Variants in RYR2 observed in about 807,000 individuals in gnomAD.
RYR2 encodes the protein cardiac muscle ryanodine receptor-calcium release channel.
In RYR2, 227 loss-of-function variants were observed where a neutral mutation model predicts 601.1. The observed-to-expected ratio is 0.38, with a 90% CI of 0.34 to 0.42. The LOEUF (loss-of-function observed/expected upper bound fraction) is 0.42. Ranked by LOEUF, RYR2 falls within the 10% of genes least tolerant of loss-of-function variation. RYR2 has a pLI of 1.00. For synonymous variants in RYR2, 2,223 were observed against 2,175.1 expected, an observed-to-expected ratio of 1.02 and a Z score of -0.61; for missense variants, 4,646 against 6,156.5, an observed-to-expected ratio of 0.75 and a Z score of 8.21.
chr1:237,109,170 A>G (rs1323264874), intron 1 of RYR2, among the ~76,000 whole-genome samples: 1 of 151,662 alleles, frequency 6.6e-6, no homozygotes, highest in East Asian at 1.9e-4. Context: ...TATAAAATAC[A>G]TATATACATA....
chr1:237,508,386 C>A (rs1265630915), intron 23 of RYR2, among the ~76,000 whole-genome samples: 1 of 151,108 alleles, frequency 6.6e-6, no homozygotes, highest in Admixed American at 6.6e-5. Flanking sequence ...GAATTACAGG[C>A]AACATTCTCC....
At chr1:237,551,905 G>A (rs146214806) in intron 27 of RYR2, among the ~76,000 whole-genome samples, 2 of 152,234 alleles carry the variant, frequency 1.3e-5, no homozygotes, top group African/African-American at 2.4e-5. Flanking sequence ...GAGATTCAGG[G>A]ACTTCTGTGT....
At chr1:237,814,567 T>TC (rs397841068) in intron 100 of RYR2, among the ~76,000 whole-genome samples, 1 of 151,602 alleles carries the variant, frequency 6.6e-6, no homozygotes, top group African/African-American at 2.4e-5. Flanking sequence ...TTTTTTTTTT[T>TC]CCAGATTAGG....
chr1:237,433,522 T>A (rs1253605038), intron 12 of RYR2, among the ~76,000 whole-genome samples: 1 of 152,178 alleles, frequency 6.6e-6, no homozygotes, highest in Non-Finnish European at 1.5e-5. Flanking sequence ...TTTAAGATAT[T>A]GTTTCACATT....
In RYR2 at chr1:237,622,626, C is replaced by G. The variant is rs561682451; in HGVS notation, c.5917-1139C>G. 2.0e-5 allele frequency among the ~76,000 whole-genome samples: 3 copies of G among 152,186 alleles called. No homozygotes were observed. The East Asian group carries it at 5.8e-4, about 29-fold the overall frequency. The stretch of plus-strand genomic sequence containing the variant: ...CAACCAACTGTATATTGAAAATATT[C>G]AGAAAAATTCCACAAAGTTCCAAAG... On this transcript the variant is annotated intron_variant, in intron 38 of 104. Transcript: ENST00000366574.
At chr1:237,541,738 G>C (rs1309690149) in intron 25 of RYR2, among the ~76,000 whole-genome samples, 1 of 152,124 alleles carries the variant, frequency 6.6e-6, no homozygotes, top group Non-Finnish European at 1.5e-5. Context: ...GAAAATTACA[G>C]TCAAAGGGGA....
chr1:237,647,121 T>C (rs1682249300), intron 48 of RYR2, among the ~76,000 whole-genome samples: 1 of 152,222 alleles, frequency 6.6e-6, no homozygotes, highest in South Asian at 2.1e-4. Context: ...TGAAATTGAA[T>C]TTTATATAGA....
At chr1:237,399,823 A>G (rs559223071) in intron 10 of RYR2, among the ~76,000 whole-genome samples, 1 of 152,262 alleles carries the variant, frequency 6.6e-6, no homozygotes, top group East Asian at 1.9e-4. Context: ...CAATGGGTAT[A>G]GGTAACCAAG....
intron 21 of RYR2, 33 bp downstream of exon 21, chr1:237,500,936 T>G (rs1318149989): frequency 1.3e-6 from 2 of 1,561,916 alleles, no homozygotes; most frequent in East Asian, 4.5e-5. Context: ...GTCTCTTTCC[T>G]TTCTCATTTC....
At chr1:237,715,563 A>G (rs974905514) in intron 71 of RYR2, among the ~76,000 whole-genome samples, 12 of 152,196 alleles carry the variant, frequency 7.9e-5, no homozygotes, top group Non-Finnish European at 1.8e-4. Flanking sequence ...ATAAGCTCAC[A>G]AATATTTATA....
chr1:237,308,255 C>T (rs905602110), intron 2 of RYR2, among the ~76,000 whole-genome samples: 1 of 152,024 alleles, frequency 6.6e-6, no homozygotes, highest in African/African-American at 2.4e-5. Flanking sequence ...AAAATTAATC[C>T]TTTATCACAA....
At chr1:237,104,617 C>T (rs1668467571) in intron 1 of RYR2, among the ~76,000 whole-genome samples, 1 of 152,190 alleles carries the variant, frequency 6.6e-6, no homozygotes, top group South Asian at 2.1e-4. Flanking sequence ...TCAGTCACTT[C>T]TCCTTTCTGA....
intron 48 of RYR2, among the ~76,000 whole-genome samples, chr1:237,643,912 A>G (rs1681851590): frequency 6.6e-6 from 1 of 151,918 alleles, no homozygotes; most frequent in African/African-American, 2.4e-5. Flanking sequence ...CCGCATCCAG[A>G]CTTTTTTCCA....
chr1:237,114,049 G>T (rs981196119), intron 1 of RYR2, among the ~76,000 whole-genome samples: 10 of 152,140 alleles, frequency 6.6e-5, no homozygotes, highest in Admixed American at 6.5e-5. Flanking sequence ...TTTAGAAAGG[G>T]TGCAGAGACT....
chr1:237,474,240 TATAGATATATACATATGTATAG>T (rs1661128124), intron 17 of RYR2, among the ~76,000 whole-genome samples: 1 of 142,032 alleles, frequency 7.0e-6, no homozygotes, highest in East Asian at 2.2e-4. Flanking sequence ...CATATATATG[TATAGATATATACATATGTATAG>T]ATACCTACAC....
At chr1:237,817,367 C>T (rs1453232031) in intron 100 of RYR2, among the ~76,000 whole-genome samples, 3 of 152,048 alleles carry the variant, frequency 2.0e-5, no homozygotes, top group Non-Finnish European at 4.4e-5. Flanking sequence ...TTAAAGTGTC[C>T]TGAGAATGTG....
intron 15 of RYR2, 108 bp downstream of exon 15, chr1:237,454,682 TA>T: frequency 9.2e-7 from 1 of 1,086,876 alleles, no homozygotes; most frequent in South Asian, 1.4e-5. Flanking sequence ...TTTTGCAATA[TA>T]GAGGAGAAAG....
intron 23 of RYR2, among the ~76,000 whole-genome samples, chr1:237,509,100 A>C (rs1665615722): frequency 6.6e-6 from 1 of 152,034 alleles, no homozygotes; most frequent in Non-Finnish European, 1.5e-5. Flanking sequence ...CCCGCAACTG[A>C]CTCAAGTTAT....
At chr1:237,807,185 G>T (rs1201405322) in intron 99 of RYR2, among the ~76,000 whole-genome samples, 1 of 152,026 alleles carries the variant, frequency 6.6e-6, no homozygotes, top group Admixed American at 6.6e-5. Context: ...TGGGTCTAGC[G>T]ACAAAAAAGT....
Sources: allele counts gnomAD v4.1 joint callset (sites outside exome capture counted in the v4.1 genomes callset), GRCh38; gene constraint gnomAD v4.1.1; transcripts MANE v1.5; gene names NCBI Gene and HGNC (gene_info 2026-07-23, HGNC 2026-07-21).